Variants in SLC7A7 observed in about 807,000 individuals in gnomAD.
The protein encoded by SLC7A7 is Y+L amino acid transporter 1.
A neutral mutation model predicts 47.9 loss-of-function variants in SLC7A7; 39 were observed. The ratio of observed to expected loss-of-function variants is 0.81; its 90% CI spans 0.63 to 1.06. The LOEUF is 1.06. Ranked by LOEUF, SLC7A7 falls within the 50% of genes least tolerant of loss-of-function variation. SLC7A7 has a pLI of 0.00. For synonymous variants in SLC7A7, 234 were observed against 242.8 expected, an observed-to-expected ratio of 0.96 and a Z score of 0.34; for missense variants, 588 against 632.0, an observed-to-expected ratio of 0.93 and a Z score of 0.75.
chr14:22,806,879 G>T (rs1185375476), intron 2 of SLC7A7, among the ~76,000 whole-genome samples: 1 of 148,332 alleles, frequency 6.7e-6, no homozygotes, highest in African/African-American at 2.5e-5. Flanking sequence ...AAAAGTCCTT[G>T]AAAGTCCACT....
At chr14:22,778,564 G>C (rs977906134) in intron 4 of SLC7A7, among the ~76,000 whole-genome samples, 1 of 125,742 alleles carries the variant, frequency 8.0e-6, no homozygotes, top group Non-Finnish European at 1.8e-5. Flanking sequence ...ATGAACAAAT[G>C]TAAAAATGCC....
At chr14:22,781,039 TC>T (rs2038709897) in intron 2 of SLC7A7, among the ~76,000 whole-genome samples, 1 of 152,066 alleles carries the variant, frequency 6.6e-6, no homozygotes, top group Non-Finnish European at 1.5e-5. Context: ...ATACAGATCT[TC>T]CCACTGGTAG....
chr14:22,794,533 G>C (rs2038978740), intron 2 of SLC7A7, among the ~76,000 whole-genome samples: 5 of 152,116 alleles, frequency 3.3e-5, no homozygotes, highest in Admixed American at 3.3e-4. Context: ...AAGCCTGAGT[G>C]AGCATCAGTA....
Position 22,774,037 on chromosome 14 carries a change from T to TTGA in SLC7A7, c.1322_1324dup (p.Ile441dup). ...GGCAATGGCAATGCCGATGAGGGAG[T>TTGA]TGATAGTATCACTGTAAAGTGGAAC... is the stretch of plus-strand genomic sequence containing the variant. On this transcript the variant is annotated inframe_insertion, in exon 9 of 10. Transcript: ENST00000674313. The TTGA allele has an allele frequency of 6.2e-7, 1 of 1,613,442 alleles. No homozygotes were observed.
intron 2 of SLC7A7, among the ~76,000 whole-genome samples, chr14:22,804,001 C>T (rs972624585): frequency 6.6e-6 from 1 of 152,150 alleles, no homozygotes; most frequent in Non-Finnish European, 1.5e-5. Flanking sequence ...CAAGCAACTT[C>T]CTGATTACTA....
At chr14:22,818,583 G>GTTTTTTTT (rs565680138), upstream of SLC7A7, among the ~76,000 whole-genome samples, 1 of 129,526 alleles carries the variant, frequency 7.7e-6, no homozygotes, top group East Asian at 2.2e-4. Context: ...CAGGTTTTTG[G>GTTTTTTTT]TTTTTTTTTT....
At chr14:22,775,713 AGAAG>A (rs2038589177) in intron 6 of SLC7A7, 116 bp downstream of exon 6, 2 of 943,346 alleles carry the variant, frequency 2.1e-6, no homozygotes, top group Non-Finnish European at 3.5e-6. Flanking sequence ...GCTAGAAACA[AGAAG>A]AAAGAGGTTG....
intron 4 of SLC7A7, among the ~76,000 whole-genome samples, chr14:22,776,830 A>G (rs138477205): frequency 2.6e-5 from 4 of 152,290 alleles, no homozygotes; most frequent in Admixed American, 2.6e-4. Flanking sequence ...TTAGCCAGGC[A>G]TGGTGGCATG....
In SLC7A7 at chr14:22,779,952, A is replaced by G; in HGVS notation, c.599T>C (p.Val200Ala). ...AKVLALIAVI[V>A]AGIVRLGQGA... is the part of the protein sequence containing the mutation. ...CTGGCCAAGTCTAACAATGCCTGCA[A>G]CGATGACCGCGATCAGTGCCAATAC... Residue 200 changes from valine (V) to alanine (A), a missense_variant, in exon 3 of 10, where the codon GTT (valine) becomes GCT (alanine). Val to Ala is a moderately conservative substitution (Grantham distance 64). Transcript: ENST00000674313. The G allele has an allele frequency of 6.2e-7, 1 of 1,614,188 alleles. No homozygotes were observed. The highest frequency in any genetic ancestry group is 8.5e-7 in the Non-Finnish European group (1 of 1,180,030).
In SLC7A7 at chr14:22,775,486, G is replaced by C. The variant is rs1384004540; in HGVS notation, c.1053C>G (p.Ile351Met). Residue 351 changes from isoleucine to methionine, a missense_variant, in exon 7 of 10, where the codon ATC becomes ATG. Coordinates refer to ENST00000674313, the MANE Select transcript of SLC7A7 (RefSeq NM_003982.4). ...GCACTGGTGTGAACCGCTCAACATG[G>C]ATCATGCAGATGGCATCAGGGAGAT... ...EGHLPDAICMIHVERFTPVPS... is the reference protein window; with the variant it reads ...EGHLPDAICMMHVERFTPVPS... The C allele has an allele frequency of 3.7e-6, 6 of 1,614,044 alleles. No individual in the cohort carries two copies. Among genetic ancestry groups the C allele is most frequent in the Non-Finnish European group, 5.1e-6 (6 of 1,180,026 alleles).
rs2039003751 is a variant in SLC7A7, at chr14:22,795,443, T to TC, written c.500-15393_500-15392insG. Among the ~76,000 whole-genome samples the TC allele has an allele frequency of 2.1e-4, 2 of 9,438 alleles. 1 individual carries two copies. The highest frequency in any genetic ancestry group is 5.0e-3 in the Admixed American group (2 of 400). 6.2% of individuals were successfully genotyped at this position (9,438 alleles called of 152,430 possible). A position where few individuals can be genotyped will look rare whatever the true frequency, so the allele number is the denominator to read the frequency against. ...CTTTCTTTCTTTCTTTCTTTCTTTC[T>TC]TTTCTATTCTTTTCTTTTCTTTTCT... On this transcript the variant is annotated intron_variant, in intron 2 of 9. Coordinates refer to ENST00000674313, the MANE Select transcript of SLC7A7 (RefSeq NM_003982.4).
chr14:22,785,234 C>T (rs574547735), intron 2 of SLC7A7, among the ~76,000 whole-genome samples: 4 of 151,998 alleles, frequency 2.6e-5, no homozygotes, highest in African/African-American at 7.3e-5. Context: ...GCCAAGATCA[C>T]GCCACTGCAC....
At chr14:22,783,964 G>C (rs1432555941) in intron 2 of SLC7A7, among the ~76,000 whole-genome samples, 1 of 152,210 alleles carries the variant, frequency 6.6e-6, no homozygotes, top group Admixed American at 6.5e-5. Context: ...CTTGACTGTG[G>C]GAGCAGGAAA....
chr14:22,812,607 G>C (rs1169036602), intron 2 of SLC7A7, among the ~76,000 whole-genome samples: 1 of 147,086 alleles, frequency 6.8e-6, no homozygotes, highest in African/African-American at 2.5e-5. Flanking sequence ...CTGCACTCCA[G>C]TCTGGGTGAC....
intron 2 of SLC7A7, among the ~76,000 whole-genome samples, chr14:22,784,159 C>A (rs2038770361): frequency 6.6e-6 from 1 of 152,206 alleles, no homozygotes; most frequent in Admixed American, 6.5e-5. Flanking sequence ...TGCAAGTTAA[C>A]CTCAAGGGCA....
chr14:22,784,832 T>A (rs189920647), intron 2 of SLC7A7, among the ~76,000 whole-genome samples: 13 of 152,198 alleles, frequency 8.5e-5, no homozygotes, highest in Non-Finnish European at 1.6e-4. Flanking sequence ...GATGCTCAGG[T>A]TTAGTTTAGA....
chr14:22,778,675 T>G, intron 4 of SLC7A7, 118 bp downstream of exon 4: 1 of 1,114,266 alleles, frequency 9.0e-7, no homozygotes, highest in Non-Finnish European at 1.3e-6. Flanking sequence ...TCCCATCTAT[T>G]AAAATGAGGC....
At chr14:22,784,900 A>G (rs1480894268) in intron 2 of SLC7A7, among the ~76,000 whole-genome samples, 1 of 152,228 alleles carries the variant, frequency 6.6e-6, no homozygotes, top group Non-Finnish European at 1.5e-5. Flanking sequence ...TGTAAGCACT[A>G]TTACCTTTAA....
intron 3 of SLC7A7, among the ~76,000 whole-genome samples, chr14:22,779,471 G>GT (rs2038676763): frequency 6.6e-6 from 1 of 151,012 alleles, no homozygotes; most frequent in Non-Finnish European, 1.5e-5. Context: ...TTTTTTGGGG[G>GT]GGGGACAGAG....
Sources: allele counts gnomAD v4.1 joint callset (sites outside exome capture counted in the v4.1 genomes callset), GRCh38; gene constraint gnomAD v4.1.1; transcripts MANE v1.5; gene names NCBI Gene and HGNC (gene_info 2026-07-23, HGNC 2026-07-21).